ARHGAP17: variants seen among roughly 807,000 people sequenced by gnomAD.
ARHGAP17 encodes rho GTPase-activating protein 17.
ARHGAP17 carries 57 observed loss-of-function variants against 99.5 expected under a neutral mutation model. The observed-to-expected ratio is 0.57, with a 90% confidence interval of 0.46 to 0.71. The LOEUF is 0.71. Among genes scored for constraint, ARHGAP17 ranks in the 30% least tolerant of loss-of-function variants. The probability of loss-of-function intolerance (pLI) is 0.00; values close to 1 mark genes in which losing one functional copy is unlikely to be tolerated. For missense variants in ARHGAP17, 1,000 were observed against 1,122.4 expected (o/e 0.89, Z 1.56); for synonymous variants, 417 against 429.6 (o/e 0.97, Z 0.36).
At chr16:24,981,897 AT>A (rs2052684883) in intron 1 of ARHGAP17, among the ~76,000 whole-genome samples, 1 of 152,072 alleles carries the variant, frequency 6.6e-6, no homozygotes, top group Non-Finnish European at 1.5e-5. Flanking sequence ...ATTTCCAGCC[AT>A]TTTTTTCAAA....
chr16:24,944,043 C>T (rs948436628), intron 14 of ARHGAP17, among the ~76,000 whole-genome samples, 181 bp from the exon 15 acceptor site: 5 of 152,032 alleles, frequency 3.3e-5, no homozygotes, highest in Admixed American at 6.6e-5. Flanking sequence ...GAGGCTGAGG[C>T]GGGCGGATCA....
rs140336413 is a variant in ARHGAP17 at position 24,921,525 on chromosome 16, G to A, written c.2516-1265C>T. On this transcript the variant is annotated intron_variant, in intron 19 of 19. Transcript: ENST00000289968. ...CTATATTTCTGTTCGACCTGCTCCC[G>A]TCTACGCAGGCACAGCTTGAAAACG... is the stretch of plus-strand genomic sequence containing the variant. Among the ~76,000 whole-genome samples the A allele has an allele frequency of 5.3e-5, 8 of 152,244 alleles. No homozygotes were observed. In the East Asian group the frequency reaches 7.7e-4, roughly 15 times the overall value.
intron 19 of ARHGAP17, among the ~76,000 whole-genome samples, chr16:24,921,253 G>A (rs970679594): frequency 4.6e-5 from 7 of 152,214 alleles, no homozygotes; most frequent in Non-Finnish European, 8.8e-5. Context: ...GGCTTCTCTC[G>A]TAGATGTGGG....
At chr16:24,953,400 A>G (rs1170595233) in intron 10 of ARHGAP17, among the ~76,000 whole-genome samples, 1 of 152,138 alleles carries the variant, frequency 6.6e-6, no homozygotes, top group Non-Finnish European at 1.5e-5. Flanking sequence ...TGGAAGTATG[A>G]TCTCCAGTGT....
intron 1 of ARHGAP17, among the ~76,000 whole-genome samples, chr16:25,002,025 GAAC>G (rs2053373600): frequency 6.6e-6 from 1 of 151,248 alleles, no homozygotes; most frequent in Admixed American, 6.6e-5. Context: ...AGGTTGCAGT[GAAC>G]CAAGATCGCA....
intron 1 of ARHGAP17, among the ~76,000 whole-genome samples, chr16:24,989,671 G>A (rs72772312): frequency 0.06 from 9,157 of 152,260 alleles, 354 homozygotes; most frequent in Middle Eastern, 0.13. Context: ...CAATTGGGTT[G>A]TGGTGATGGT....
At chr16:24,978,752 C>G (rs62035028) in intron 2 of ARHGAP17, among the ~76,000 whole-genome samples, 1 of 151,864 alleles carries the variant, frequency 6.6e-6, no homozygotes, top group African/African-American at 2.4e-5. Flanking sequence ...CCAGCGCAGA[C>G]GTGAGATTCG....
intron 1 of ARHGAP17, among the ~76,000 whole-genome samples, chr16:24,983,090 T>C (rs1200012211): frequency 1.4e-5 from 2 of 147,808 alleles, no homozygotes; most frequent in African/African-American, 5.0e-5. Flanking sequence ...CTGCAATCTC[T>C]GCTTCTTGGG....
intron 1 of ARHGAP17, among the ~76,000 whole-genome samples, chr16:24,998,757 A>G (rs1214903951): frequency 6.6e-6 from 1 of 152,186 alleles, no homozygotes; most frequent in Non-Finnish European, 1.5e-5. Context: ...GAAGTGAAGG[A>G]CCCAAAAAGA....
intron 1 of ARHGAP17, among the ~76,000 whole-genome samples, chr16:24,982,976 A>ATT (rs2052721588): frequency 4.9e-5 from 1 of 20,240 alleles, no homozygotes; most frequent in East Asian, 1.7e-3. Context: ...ATATATATAT[A>ATT]TATATATATA....
rs1376057943 is a variant in ARHGAP17 at position 24,954,636 on chromosome 16, G to A, written c.819C>T (p.Val273=). Residue 273 remains valine (V), a synonymous_variant, in exon 10 of 20, where the codon GTC becomes GTT. Coordinates refer to ENST00000289968, the MANE Select transcript of ARHGAP17 (RefSeq NM_001006634.3). Reference sequence around the variant, plus strand: ...TCATGCCTGTCTCCAGAAGCAGCATGACACAGGCTTCAATGGGCAGCGCAA... The same window carrying A: ...TCATGCCTGTCTCCAGAAGCAGCATAACACAGGCTTCAATGGGCAGCGCAA... The part of the protein sequence containing the change: ...REIALPIEAC[V]MLLLETGMKE... The A allele has an allele frequency of 4.3e-6, 7 of 1,613,910 alleles. No individual in the cohort carries two copies. Among genetic ancestry groups the A allele is most frequent in the Non-Finnish European group, 5.9e-6 (7 of 1,179,954 alleles).
intron 19 of ARHGAP17, among the ~76,000 whole-genome samples, chr16:24,926,601 A>G (rs2152441069): frequency 6.6e-6 from 1 of 152,362 alleles, no homozygotes; most frequent in South Asian, 2.1e-4. Context: ...ACATGACATA[A>G]GAAGGGTGAG....
chr16:24,996,675 C>T (rs1049577029), intron 1 of ARHGAP17, among the ~76,000 whole-genome samples: 13 of 152,044 alleles, frequency 8.6e-5, no homozygotes, highest in African/African-American at 2.9e-4. Flanking sequence ...CACCTAAGAG[C>T]GGGGTAATCT....
intron 2 of ARHGAP17, among the ~76,000 whole-genome samples, chr16:24,978,664 A>G (rs566653602): frequency 6.6e-6 from 1 of 152,262 alleles, no homozygotes; most frequent in African/African-American, 2.4e-5. Context: ...TGAGGTGGAT[A>G]AGGCCTTTCC....
At chr16:24,935,777 C>T in intron 17 of ARHGAP17, 138 bp from the exon 18 acceptor site, 2 of 896,252 alleles carry the variant, frequency 2.2e-6, no homozygotes, top group South Asian at 2.9e-5. Context: ...CTAACTAGCT[C>T]ACACTGGGCT....
intron 1 of ARHGAP17, among the ~76,000 whole-genome samples, chr16:24,998,655 G>A (rs1322684510): frequency 2.0e-5 from 3 of 152,202 alleles, no homozygotes; most frequent in Non-Finnish European, 4.4e-5. Context: ...CATTCATTCA[G>A]CCCAGCTGAG....
intron 6 of ARHGAP17, 39 bp from the exon 7 acceptor site, chr16:24,964,347 T>A: frequency 7.1e-7 from 1 of 1,401,668 alleles, no homozygotes; most frequent in Non-Finnish European, 1.0e-6. Flanking sequence ...GAGAACCAGC[T>A]GTGTATACTC....
intron 1 of ARHGAP17, among the ~76,000 whole-genome samples, chr16:24,996,680 T>G (rs2053202357): frequency 6.6e-6 from 1 of 152,104 alleles, no homozygotes; most frequent in South Asian, 2.1e-4. Flanking sequence ...AAGAGCGGGG[T>G]AATCTCTGTG....
rs748184476 is a variant in ARHGAP17, at chr16:24,959,673, T to C, written c.722A>G (p.Gln241Arg). The C allele has an allele frequency of 1.2e-6, 2 of 1,613,974 alleles. No homozygotes were observed. The highest frequency in any genetic ancestry group is 1.7e-6 in the Non-Finnish European group (2 of 1,179,980). ...EKTLPEMRAH[Q>R]DKWAEKPAFG... ...CAGCCGCACGCGGGTTACATTACCT[T>C]GATGGGCTCGCATTTCGGGGAGGGT... The change falls in exon 9 of 20, where the codon CAA (glutamine) becomes CGA (arginine). Residue 241 changes from glutamine (Q) to arginine (R), a missense_variant and splice_region_variant. Around this residue, in one of 2 missense-constraint regions of ARHGAP17, gnomAD observed 472 missense variants for 611.1 expected, o/e 0.77. Transcript: ENST00000289968.
Sources: allele counts gnomAD v4.1 joint callset (sites outside exome capture counted in the v4.1 genomes callset), GRCh38; gene constraint gnomAD v4.1.1; regional missense constraint gnomAD v4.1.1; transcripts MANE v1.5; gene names NCBI Gene and HGNC (gene_info 2026-07-23, HGNC 2026-07-21).